Variants in DCDC2 observed in about 807,000 individuals in gnomAD.
DCDC2 encodes the protein doublecortin domain-containing protein 2.
A neutral mutation model predicts 50.2 loss-of-function variants in DCDC2; 40 were observed. The ratio of observed to expected loss-of-function variants is 0.80; its 90% confidence interval spans 0.62 to 1.04. DCDC2 has a LOEUF of 1.04. DCDC2 is among the 50% of genes least tolerant of loss of function. The pLI is 0.00. For synonymous variants in DCDC2, 234 were observed against 210.6 expected, an observed-to-expected ratio of 1.11 and a Z score of -0.96; for missense variants, 570 against 581.9, an observed-to-expected ratio of 0.98 and a Z score of 0.21.
intron 2 of DCDC2, among the ~76,000 whole-genome samples, chr6:24,314,077 C>T (rs1221239906): frequency 1.3e-5 from 2 of 152,202 alleles, no homozygotes; most frequent in African/African-American, 4.8e-5. Flanking sequence ...GAGGGCACTG[C>T]ATTTCAGCAA....
At chr6:24,330,985 AAAG>A (rs956586669) in intron 2 of DCDC2, among the ~76,000 whole-genome samples, 3 of 152,236 alleles carry the variant, frequency 2.0e-5, no homozygotes, top group African/African-American at 4.8e-5. Context: ...ATTGAAATAA[AAAG>A]AAGGCAAAAA....
At chr6:24,288,358 T>C (rs1400995897) in intron 6 of DCDC2, among the ~76,000 whole-genome samples, 1 of 152,244 alleles carries the variant, frequency 6.6e-6, no homozygotes, top group African/African-American at 2.4e-5. Flanking sequence ...ACAGAGTAGG[T>C]ATTTAATAAA....
At chr6:24,215,740 T>C (rs892491473) in intron 7 of DCDC2, among the ~76,000 whole-genome samples, 5 of 152,246 alleles carry the variant, frequency 3.3e-5, no homozygotes, top group East Asian at 1.9e-4. Context: ...CTCCGAAGCA[T>C]AGGAGTCTGC....
At chr6:24,191,037 T>C (rs1761302785) in intron 8 of DCDC2, among the ~76,000 whole-genome samples, 1 of 152,156 alleles carries the variant, frequency 6.6e-6, no homozygotes, top group Admixed American at 6.6e-5. Context: ...TGAGGGAAAA[T>C]GGCTTTCTCC....
intron 7 of DCDC2, among the ~76,000 whole-genome samples, chr6:24,242,806 A>G (rs547954115): frequency 2.6e-5 from 4 of 152,244 alleles, no homozygotes; most frequent in African/African-American, 9.6e-5. Context: ...TACTAGAAAT[A>G]CAAAAATTAG....
At chr6:24,195,137 T>C (rs2113753870) in intron 8 of DCDC2, among the ~76,000 whole-genome samples, 1 of 152,154 alleles carries the variant, frequency 6.6e-6, no homozygotes, top group Non-Finnish European at 1.5e-5. Context: ...GAAGCTGCAC[T>C]CTGCTAGCAA....
In DCDC2 at chr6:24,195,686, G is replaced by C. The variant is rs982592262; in HGVS notation, c.1023+9316C>G. ...TCTAGATGCCCATAGCACTCCCCCAGTTGTTACACCAAAAGTGGTCCCAGA... is the reference window on the plus strand; with the variant it reads ...TCTAGATGCCCATAGCACTCCCCCACTTGTTACACCAAAAGTGGTCCCAGA... On this transcript the variant is annotated intron_variant, in intron 8 of 9. Coordinates refer to ENST00000378454, the MANE Select transcript of DCDC2 (RefSeq NM_016356.5). Among the ~76,000 whole-genome samples, 10 of 152,136 alleles carry C rather than the reference G, an allele frequency of 6.6e-5. 1 individual carries two copies. The highest frequency in any genetic ancestry group is 2.4e-4 in the African/African-American group (10 of 41,428).
rs138929235 is a variant in DCDC2, at chr6:24,348,650, G to T, written c.348+4919C>A. Reference sequence around the variant, plus strand: ...CCCTCTTAATCAAGTTGTAGAAAAAGACTTTCTCAAAACTTTGATCTAAGA... The same window carrying T: ...CCCTCTTAATCAAGTTGTAGAAAAATACTTTCTCAAAACTTTGATCTAAGA... On this transcript the variant is annotated intron_variant, in intron 2 of 9. Coordinates refer to ENST00000378454, the MANE Select transcript of DCDC2 (RefSeq NM_016356.5). Among the ~76,000 whole-genome samples, 862 of 152,196 alleles carry T rather than the reference G, an allele frequency of 5.7e-3. 7 individuals carry two copies. The highest frequency in any genetic ancestry group is 0.02 in the African/African-American group (819 of 41,498).
At chr6:24,209,621 C>T (rs1465087107) in intron 7 of DCDC2, among the ~76,000 whole-genome samples, 1 of 152,144 alleles carries the variant, frequency 6.6e-6, no homozygotes, top group African/African-American at 2.4e-5. Flanking sequence ...GTTCTGAGTC[C>T]CCTTTTACTG....
chr6:24,301,144 G>C (rs1759363297), intron 4 of DCDC2, among the ~76,000 whole-genome samples: 1 of 151,964 alleles, frequency 6.6e-6, no homozygotes, highest in Non-Finnish European at 1.5e-5. Context: ...GGCCAAGGCG[G>C]GCGGATCACG....
intron 7 of DCDC2, among the ~76,000 whole-genome samples, chr6:24,234,201 A>G (rs774060039): frequency 8.0e-5 from 12 of 150,542 alleles, no homozygotes; most frequent in Admixed American, 2.7e-4. Flanking sequence ...GGTTGGCCGT[A>G]TGAGGAAGGA....
rs1385627624 is a variant in DCDC2, at chr6:24,249,085, TTAATA to T, written c.922+28959_922+28963del. ...CTACTTTGATTTCTGTTATTCTTATTTAATATATTAAAACTCTTAAAAATAAGCCG... is the reference window on the plus strand; with the variant it reads ...CTACTTTGATTTCTGTTATTCTTATTTATTAAAACTCTTAAAAATAAGCCG... On this transcript the variant is annotated intron_variant, in intron 7 of 9. Coordinates refer to ENST00000378454, the MANE Select transcript of DCDC2 (RefSeq NM_016356.5). 5.9e-5 allele frequency among the ~76,000 whole-genome samples: 9 copies of T among 152,160 alleles called. No homozygotes were observed. The South Asian group carries it at 6.2e-4, about 11-fold the overall frequency.
At chr6:24,225,401 A>ATGCAGATAC (rs1248406724) in intron 7 of DCDC2, among the ~76,000 whole-genome samples, 3 of 152,114 alleles carry the variant, frequency 2.0e-5, no homozygotes, top group African/African-American at 7.2e-5. Flanking sequence ...CATGCAGTTA[A>ATGCAGATAC]ACTTGATACA....
At chr6:24,346,969 A>G (rs1435056308) in intron 2 of DCDC2, among the ~76,000 whole-genome samples, 1 of 152,212 alleles carries the variant, frequency 6.6e-6, no homozygotes, top group Non-Finnish European at 1.5e-5. Flanking sequence ...ATTCACATGT[A>G]TCTTGGGAAG....
intron 7 of DCDC2, among the ~76,000 whole-genome samples, chr6:24,267,897 TG>T (rs752130464): frequency 1.3e-5 from 2 of 152,174 alleles, no homozygotes; most frequent in Non-Finnish European, 2.9e-5. Flanking sequence ...CACAAAAAGA[TG>T]TCTGACTTAA....
chr6:24,284,610 CAAAAAA>C (rs200440372), intron 6 of DCDC2, among the ~76,000 whole-genome samples: 3 of 99,992 alleles, frequency 3.0e-5, no homozygotes, highest in Admixed American at 1.1e-4. Flanking sequence ...GACTCTGTCT[CAAAAAA>C]AAAAAAAAAA....
At chr6:24,358,244 A>C, upstream of DCDC2, 11 of 249,324 alleles carry the variant, frequency 4.4e-5, no homozygotes, top group Non-Finnish European at 7.4e-5. Context: ...TTACCCCTCA[A>C]TCTCCTGCTT....
rs190943567 is a variant in DCDC2 at position 24,266,949 on chromosome 6, A to T, written c.922+11100T>A. On this transcript the variant is annotated intron_variant, in intron 7 of 9. Transcript: ENST00000378454. The stretch of plus-strand genomic sequence containing the variant: ...AATGAATAAAGAAAACGTGGTATAG[A>T]CACACCCAGAGTATTATCAACCCAT... 2.6e-5 allele frequency among the ~76,000 whole-genome samples: 4 copies of T among 152,298 alleles called. No individual in the cohort carries two copies. In the East Asian group the frequency reaches 7.7e-4, roughly 29 times the overall value.
In DCDC2 at chr6:24,196,511, C is replaced by G. The variant is rs147812261; in HGVS notation, c.1023+8491G>C. Among the ~76,000 whole-genome samples, 418 of 152,314 alleles carry G rather than the reference C, an allele frequency of 2.7e-3. 3 individuals are homozygous for G. Among genetic ancestry groups the G allele is most frequent in the African/African-American group, 9.3e-3 (388 of 41,574 alleles). On this transcript the variant is annotated intron_variant, in intron 8 of 9. Transcript: ENST00000378454. ...TCTCTGCTCACTGCAACCTCCGCCT[C>G]CCAGATTCCAGCAGTTCTCATGCCT...
Sources: gnomAD v4.1 joint callset for allele counts (sites outside exome capture counted in the v4.1 genomes callset) on GRCh38, gnomAD v4.1.1 for gene constraint, MANE v1.5 for transcripts, NCBI Gene and HGNC (gene_info 2026-07-23, HGNC 2026-07-21) for gene names.